POLR2B: variants seen among roughly 807,000 people sequenced by gnomAD.
POLR2B encodes DNA-directed RNA polymerase II subunit RPB2.
A neutral mutation model predicts 144.6 loss-of-function variants in POLR2B; 57 were observed. The ratio of observed to expected loss-of-function variants is 0.39; its 90% confidence interval spans 0.32 to 0.49. POLR2B has a LOEUF of 0.49. Among genes scored for constraint, POLR2B ranks in the 20% least tolerant of loss-of-function variants. POLR2B has a pLI of 0.83. For missense variants in POLR2B, 595 were observed against 1,467.4 expected (o/e 0.41, Z 9.71); for synonymous variants, 442 against 469.8 (o/e 0.94, Z 0.77).
Position 57,022,212 on chromosome 4 carries a change from A to T in POLR2B, c.2481A>T (p.Glu827Asp). The T allele has an allele frequency of 6.2e-7, 1 of 1,611,674 alleles. No homozygotes were observed. The part of the protein sequence containing the change: ...QESKKGFDQE[E>D]VFEKPTRETC... ...CTAAAAAAGGATTTGATCAAGAAGAAGTTTTTGAGAAGCCTACACGTGAAA... is the reference window on the plus strand; with the variant it reads ...CTAAAAAAGGATTTGATCAAGAAGATGTTTTTGAGAAGCCTACACGTGAAA... Residue 827 changes from glutamate to aspartate, a missense_variant, in exon 18 of 25, where the codon GAA (glutamate) becomes GAT (aspartate). This residue lies in a region of POLR2B where 75 missense variants were observed against 100.0 expected (regional missense o/e 0.75). Transcript: ENST00000314595.
At chr4:57,005,539 A>C in intron 8 of POLR2B, 61 bp from the exon 9 acceptor site, 3 of 1,482,306 alleles carry the variant, frequency 2.0e-6, no homozygotes, top group Non-Finnish European at 2.7e-6. Context: ...CATATAAATC[A>C]AAAAAAAGTC....
At chr4:56,998,210 T>G (rs1722749210) in intron 6 of POLR2B, among the ~76,000 whole-genome samples, 1 of 151,972 alleles carries the variant, frequency 6.6e-6, no homozygotes, top group South Asian at 2.1e-4. Context: ...GTAGACATTT[T>G]TTTTCTTTAA....
chr4:57,005,777 A>T (rs1723003098), intron 9 of POLR2B, 58 bp downstream of exon 9: 7 of 1,500,180 alleles, frequency 4.7e-6, no homozygotes, highest in Non-Finnish European at 6.4e-6. Flanking sequence ...CTTTAGATTG[A>T]TCATTGCATA....
rs1016211037 is a variant in POLR2B, at chr4:57,030,629, T to G, written c.3435+230T>G. 14 of 546,760 alleles carry G rather than the reference T, an allele frequency of 2.6e-5. No individual in the cohort carries two copies. In the South Asian group the frequency reaches 3.7e-4, roughly 15 times the overall value. The allele number at this position is 546,760 out of a possible 1,614,324, so 33.9% of individuals were successfully genotyped here. On this transcript the variant is annotated intron_variant, in intron 24 of 24. Coordinates refer to ENST00000314595, the MANE Select transcript of POLR2B (RefSeq NM_000938.3). ...TAAGCTATTCATCTTTTGGAAATAA[T>G]AAGACTTTGTACAAGGGATTTTAAA...
At chr4:57,020,508 G>T (rs1723507673) in intron 16 of POLR2B, among the ~76,000 whole-genome samples, 1 of 152,070 alleles carries the variant, frequency 6.6e-6, no homozygotes, top group Admixed American at 6.6e-5. Flanking sequence ...TATTAATTTT[G>T]GGATCATGGG....
chr4:57,004,778 G>A (rs978294973), intron 7 of POLR2B, among the ~76,000 whole-genome samples: 1 of 152,100 alleles, frequency 6.6e-6, no homozygotes, highest in African/African-American at 2.4e-5. Context: ...TCTGCCTCCC[G>A]GGTTCAAGCG....
intron 7 of POLR2B, among the ~76,000 whole-genome samples, chr4:57,000,193 T>TG (rs535010779): frequency 1.1e-3 from 163 of 152,316 alleles, no homozygotes; most frequent in Admixed American, 3.1e-3. Flanking sequence ...CTCAGCACTT[T>TG]GGGAGGCCAG....
chr4:57,024,861 TA>T, intron 21 of POLR2B, 24 bp from the exon 22 acceptor site: 1 of 1,255,424 alleles, frequency 8.0e-7, no homozygotes, highest in East Asian at 2.4e-5. Context: ...AGCAACATTT[TA>T]AAGAGTACTT....
At chr4:57,002,646 T>G (rs1300669634) in intron 7 of POLR2B, 3 of 152,198 alleles carry the variant, frequency 2.0e-5, no homozygotes, top group South Asian at 2.1e-4. Flanking sequence ...CTTTTTCTGA[T>G]CTTTGTTTCC....
At chr4:57,022,292 C>A in intron 18 of POLR2B, 46 bp downstream of exon 18, 1 of 1,249,100 alleles carries the variant, frequency 8.0e-7, no homozygotes, top group Non-Finnish European at 1.2e-6. Flanking sequence ...AGTTAACTTA[C>A]TGTGGTTTTC....
chr4:57,024,880 TA>T lies in POLR2B; in HGVS notation c.2965-2del. ...ACATTTTAAAGAGTACTTTTTTTTT[TA>T]AAAGGTATCGGCTAACAAGGGTGAA... On this transcript the variant is annotated splice_region_variant and splice_polypyrimidine_tract_variant and intron_variant, in intron 21 of 24. Transcript: ENST00000314595. The T allele has an allele frequency of 7.5e-6, 11 of 1,457,300 alleles. No homozygotes were observed. Among genetic ancestry groups the T allele is most frequent in the Non-Finnish European group, 9.5e-6 (10 of 1,049,918 alleles). The allele number at this position is 1,457,300 out of a possible 1,614,324, so 90.3% of individuals were successfully genotyped here.
intron 2 of POLR2B, 139 bp from the exon 3 acceptor site, chr4:56,990,609 T>C (rs1029575104): frequency 1.8e-5 from 12 of 681,136 alleles, no homozygotes; most frequent in Non-Finnish European, 2.2e-5. Flanking sequence ...TCATAGTGTC[T>C]TGTTTAGTGG....
chr4:56,996,992 G>A (rs777151024), intron 6 of POLR2B, among the ~76,000 whole-genome samples: 9 of 152,250 alleles, frequency 5.9e-5, no homozygotes, highest in Middle Eastern at 3.4e-3. Context: ...CCGGTTACTC[G>A]GGAAGCTGAG....
Position 57,025,015 on chromosome 4 carries a change from T to G in POLR2B, c.3078+16T>G. The stretch of plus-strand genomic sequence containing the variant: ...AGGAAATGAGGTATATTTGCTCTTA[T>G]AGTAGTAATTTGCCACTTGTTTTTT... On this transcript the variant is annotated intron_variant, in intron 22 of 24. Coordinates refer to ENST00000314595, the MANE Select transcript of POLR2B (RefSeq NM_000938.3). 1 of 1,258,016 alleles carries G rather than the reference T, an allele frequency of 7.9e-7. No individual in the cohort carries two copies. Among genetic ancestry groups the G allele is most frequent in the Non-Finnish European group, 1.1e-6 (1 of 879,002 alleles). 77.9% of individuals were successfully genotyped at this position (1,258,016 alleles called of 1,614,324 possible). A position where few individuals can be genotyped will look rare whatever the true frequency, so the allele number is the denominator to read the frequency against.
chr4:56,989,854 A>G (rs1462397117), intron 2 of POLR2B, among the ~76,000 whole-genome samples: 2 of 152,124 alleles, frequency 1.3e-5, no homozygotes, highest in Non-Finnish European at 2.9e-5. Flanking sequence ...TTGCACGTGT[A>G]TCTACTTGTC....
At chr4:57,000,580 A>G (rs1374797392) in intron 7 of POLR2B, among the ~76,000 whole-genome samples, 2 of 152,220 alleles carry the variant, frequency 1.3e-5, no homozygotes, top group African/African-American at 4.8e-5. Flanking sequence ...AGTAAGTTAT[A>G]GCCAATAGCC....
At chr4:57,021,442 G>A (rs551508671) in intron 17 of POLR2B, among the ~76,000 whole-genome samples, 27 of 150,376 alleles carry the variant, frequency 1.8e-4, no homozygotes, top group African/African-American at 6.3e-4. Flanking sequence ...TCAAAGGGTA[G>A]CACTAGAACT....
intron 7 of POLR2B, among the ~76,000 whole-genome samples, chr4:57,000,847 C>T (rs542673209): frequency 1.3e-5 from 2 of 152,190 alleles, no homozygotes; most frequent in South Asian, 2.1e-4. Context: ...AGGCACGTGC[C>T]ACCACGCCCA....
intron 6 of POLR2B, among the ~76,000 whole-genome samples, chr4:56,996,486 G>T (rs572311849): frequency 6.6e-6 from 1 of 150,526 alleles, no homozygotes; most frequent in Non-Finnish European, 1.5e-5. Context: ...GGGTTTCACC[G>T]TGTTAGCCAG....
Sources: gnomAD v4.1 joint callset for allele counts (sites outside exome capture counted in the v4.1 genomes callset) on GRCh38, gnomAD v4.1.1 for gene constraint, gnomAD v4.1.1 regional missense constraint, MANE v1.5 for transcripts, NCBI Gene and HGNC (gene_info 2026-07-23, HGNC 2026-07-21) for gene names.